The following TRPM6 variants were observed in gnomAD, a reference collection of about 807,000 sequenced individuals.
The protein encoded by TRPM6 is transient receptor potential cation channel subfamily M member 6, also known as channel kinase 2.
TRPM6 carries 111 observed loss-of-function variants against 247.6 expected under a neutral mutation model. The ratio of observed to expected loss-of-function variants is 0.45; its 90% CI spans 0.38 to 0.52. The LOEUF is 0.52. TRPM6 is among the 20% of genes least tolerant of loss of function. TRPM6 has a pLI of 0.00. For synonymous variants in TRPM6, 892 were observed against 853.8 expected, an observed-to-expected ratio of 1.04 and a Z score of -0.78; for missense variants, 2,126 against 2,421.5, an observed-to-expected ratio of 0.88 and a Z score of 2.56.
At chr9:74,745,419 AAAAT>A (rs1246404001) in intron 31 of TRPM6, among the ~76,000 whole-genome samples, 1 of 152,170 alleles carries the variant, frequency 6.6e-6, no homozygotes, top group Non-Finnish European at 1.5e-5. Context: ...AAGGAAATAG[AAAAT>A]AAATATATAG....
intron 6 of TRPM6, among the ~76,000 whole-genome samples, chr9:74,828,553 C>T (rs1829431869): frequency 6.6e-6 from 1 of 152,070 alleles, no homozygotes. Context: ...CAAGATTAGC[C>T]TGCTTTCCAC....
intron 1 of TRPM6, among the ~76,000 whole-genome samples, chr9:74,881,567 G>T (rs1256501031): frequency 6.6e-6 from 1 of 152,048 alleles, no homozygotes; most frequent in African/African-American, 2.4e-5. Flanking sequence ...TATTTAAATT[G>T]TACTTTAGAC....
intron 11 of TRPM6, 25 bp from the exon 12 acceptor site, chr9:74,812,458 A>G (rs749697042): frequency 6.2e-7 from 1 of 1,606,576 alleles, no homozygotes; most frequent in Middle Eastern, 1.7e-4. Flanking sequence ...AATAAGAAAT[A>G]TAAAGACAAT....
At chr9:74,752,188 A>G (rs1826271232) in intron 29 of TRPM6, 89 bp downstream of exon 29, 2 of 738,510 alleles carry the variant, frequency 2.7e-6, no homozygotes, top group East Asian at 5.3e-5. Context: ...GTAGAAGCCA[A>G]TTAAGGGACA....
In TRPM6 at chr9:74,792,780, A is replaced by C; in HGVS notation, c.2392-10T>G. 1 of 1,611,692 alleles carries C rather than the reference A, an allele frequency of 6.2e-7. No individual in the cohort carries two copies. Among genetic ancestry groups the C allele is most frequent in the Non-Finnish European group, 8.5e-7 (1 of 1,177,886 alleles). On this transcript the variant is annotated splice_polypyrimidine_tract_variant and intron_variant, in intron 18 of 38. Transcript: ENST00000360774. ...CCAAATCATACTCTTTCTATAAAATAAACAAATAATCATTTTCTTGTCAGC... is the reference window on the plus strand; with the variant it reads ...CCAAATCATACTCTTTCTATAAAATCAACAAATAATCATTTTCTTGTCAGC...
At position 74,785,952 on chromosome 9, in the gene TRPM6, T is replaced by A. The variant is rs1827644893; in HGVS notation, c.2841A>T (p.Ile947=). 5.6e-6 allele frequency: 9 copies of A among 1,614,214 alleles called. No individual in the cohort carries two copies. The highest frequency in any genetic ancestry group is 6.8e-6 in the Non-Finnish European group (8 of 1,180,046). ...AGRLIYCIDI[I]FWFSRLLDFF... The stretch of plus-strand genomic sequence containing the variant: ...AGTCCAGGAGCCGTGAGAACCAGAA[T>A]ATGATGTCTATGCAGTAGATCAGTC... The change falls in exon 21 of 39, where the codon ATA becomes ATT. Residue 947 remains isoleucine, a synonymous_variant. Coordinates refer to ENST00000360774, the MANE Select transcript of TRPM6 (RefSeq NM_017662.5).
At chr9:74,755,866 C>A (rs1431358876) in intron 27 of TRPM6, among the ~76,000 whole-genome samples, 1 of 152,168 alleles carries the variant, frequency 6.6e-6, no homozygotes, top group African/African-American at 2.4e-5. Flanking sequence ...AATAGGAGAT[C>A]ATATTTTGAG....
intron 11 of TRPM6, among the ~76,000 whole-genome samples, chr9:74,816,285 C>A (rs1349972270): frequency 6.6e-6 from 1 of 152,124 alleles, no homozygotes; most frequent in Non-Finnish European, 1.5e-5. Context: ...GGGAGGATTA[C>A]CTGACCCCAG....
In TRPM6 at chr9:74,722,825, A is replaced by G. The variant is rs1825185544; in HGVS notation, c.*1788T>C. Reference sequence around the variant, plus strand: ...CTCAAACTTACAAGAATCAGAGGCAATCATTGGCAAACTAAATTCTTGGTT... The same window carrying G: ...CTCAAACTTACAAGAATCAGAGGCAGTCATTGGCAAACTAAATTCTTGGTT... On this transcript the variant is annotated 3_prime_UTR_variant, in exon 39 of 39. Transcript: ENST00000360774. The G allele has an allele frequency of 6.6e-6, 1 of 152,260 alleles. No individual in the cohort carries two copies. Among genetic ancestry groups the G allele is most frequent in the Admixed American group, 6.5e-5 (1 of 15,286 alleles). The allele number at this position is 152,260 out of a possible 1,614,324, so 9.4% of individuals were successfully genotyped here.
At chr9:74,828,710 C>A (rs1313703723) in intron 6 of TRPM6, among the ~76,000 whole-genome samples, 1 of 150,274 alleles carries the variant, frequency 6.7e-6, no homozygotes, top group African/African-American at 2.5e-5. Flanking sequence ...CTCACTGCAA[C>A]CTTAGCCTCC....
At chr9:74,784,073 T>A (rs982673265) in intron 21 of TRPM6, among the ~76,000 whole-genome samples, 1 of 151,944 alleles carries the variant, frequency 6.6e-6, no homozygotes. Flanking sequence ...TTGGCCAACA[T>A]GGTGAAACCC....
chr9:74,821,159 C>A (rs1367997893), intron 8 of TRPM6, among the ~76,000 whole-genome samples: 2 of 152,122 alleles, frequency 1.3e-5, no homozygotes, highest in East Asian at 3.9e-4. Flanking sequence ...ATTGGAAGAA[C>A]CACACTGGCT....
At chr9:74,820,024 G>C (rs983182739) in intron 9 of TRPM6, among the ~76,000 whole-genome samples, 3 of 151,806 alleles carry the variant, frequency 2.0e-5, no homozygotes, top group Non-Finnish European at 1.5e-5. Context: ...TTTATTTTAA[G>C]TTCTGGGATA....
At chr9:74,885,921 T>C (rs892071727) in intron 1 of TRPM6, among the ~76,000 whole-genome samples, 2 of 151,582 alleles carry the variant, frequency 1.3e-5, no homozygotes, top group African/African-American at 4.9e-5. Flanking sequence ...TAAAATAAAA[T>C]AAAAAGTGAG....
chr9:74,808,736 C>T (rs974833280), intron 13 of TRPM6, among the ~76,000 whole-genome samples: 1 of 152,180 alleles, frequency 6.6e-6, no homozygotes, highest in Admixed American at 6.5e-5. Flanking sequence ...GCGTTGACTA[C>T]ATCATATGTA....
At chr9:74,745,914 T>C (rs1213331742) in intron 31 of TRPM6, among the ~76,000 whole-genome samples, 1 of 152,204 alleles carries the variant, frequency 6.6e-6, no homozygotes, top group African/African-American at 2.4e-5. Flanking sequence ...TTGGAGGCCA[T>C]ACTATAATCC....
At chr9:74,839,905 G>GGAGGGAGGGAGGCAGGGAGGGAGA in intron 5 of TRPM6, 119 bp downstream of exon 5, 2 of 517,792 alleles carry the variant, frequency 3.9e-6, no homozygotes. Context: ...AGGGAGGGAG[G>GGAGGGAGGGAGGCAGGGAGGGAGA]GAGGGAGGGA....
intron 1 of TRPM6, chr9:74,887,467 C>T (rs1024548182): frequency 9.9e-7 from 1 of 1,009,102 alleles, no homozygotes. Flanking sequence ...CCCTCCGGCC[C>T]GGAGCGGAAT....
intron 28 of TRPM6, 143 bp from the exon 29 acceptor site, chr9:74,752,511 C>A: frequency 1.7e-6 from 1 of 603,574 alleles, no homozygotes. Context: ...GCAAGTTTTA[C>A]CAAGTTTCCT....
Sources: gnomAD v4.1 joint callset for allele counts (sites outside exome capture counted in the v4.1 genomes callset) on GRCh38, gnomAD v4.1.1 for gene constraint, MANE v1.5 for transcripts, NCBI Gene and HGNC (gene_info 2026-07-23, HGNC 2026-07-21) for gene names.